RGS22: variants seen among roughly 807,000 people sequenced by gnomAD.
The protein encoded by RGS22 is regulator of G protein signaling 22.
RGS22 carries 148 observed loss-of-function variants against 172.9 expected under a neutral mutation model. That is an observed-to-expected ratio of 0.86 (90% confidence interval 0.75 to 0.98). The LOEUF (loss-of-function observed/expected upper bound fraction) is 0.98, where lower values mean the gene tolerates loss of function less well. Among genes scored for constraint, RGS22 ranks in the 50% least tolerant of loss-of-function variants. The pLI is 0.00. For missense variants in RGS22, 1,347 were observed against 1,440.8 expected (o/e 0.93, Z 1.05); for synonymous variants, 458 against 480.2 (o/e 0.95, Z 0.60).
In RGS22 at chr8:100,079,242, G is replaced by A. The variant is rs186247107; in HGVS notation, c.339+892C>T. Among the ~76,000 whole-genome samples, 44 of 152,276 alleles carry A rather than the reference G, an allele frequency of 2.9e-4. No individual in the cohort carries two copies. The East Asian group carries it at 7.9e-3, about 27-fold the overall frequency. On this transcript the variant is annotated intron_variant, in intron 4 of 27. Coordinates refer to ENST00000360863, the MANE Select transcript of RGS22 (RefSeq NM_015668.5). Reference sequence around the variant, plus strand: ...CAATTATATAGTACTGTGTAGCGCAGAATATATATCCTTGTTCTGGCTTCG... The same window carrying A: ...CAATTATATAGTACTGTGTAGCGCAAAATATATATCCTTGTTCTGGCTTCG...
At chr8:100,101,095 AAACT>A (rs907263688) in intron 2 of RGS22, among the ~76,000 whole-genome samples, 2 of 152,184 alleles carry the variant, frequency 1.3e-5, no homozygotes, top group African/African-American at 2.4e-5. Flanking sequence ...GCATAGTTGC[AAACT>A]AACTACTTTT....
chr8:99,976,058 C>T (rs889184988), intron 23 of RGS22, among the ~76,000 whole-genome samples: 7 of 151,958 alleles, frequency 4.6e-5, no homozygotes, highest in Non-Finnish European at 1.0e-4. Context: ...GGCATGGTGG[C>T]ATGTGCCTGT....
chr8:100,008,637 CAT>C, intron 14 of RGS22, 68 bp from the exon 15 acceptor site: 1 of 1,225,486 alleles, frequency 8.2e-7, no homozygotes, highest in Non-Finnish European at 1.1e-6. Flanking sequence ...GACACCTCAA[CAT>C]AGGCATTTTT....
chr8:99,972,564 A>T (rs1811478658), intron 23 of RGS22, among the ~76,000 whole-genome samples: 1 of 152,336 alleles, frequency 6.6e-6, no homozygotes, highest in African/African-American at 2.4e-5. Context: ...GGGAAAAAAC[A>T]AGCAATCCCA....
At chr8:100,081,192 T>C (rs976195846) in intron 3 of RGS22, among the ~76,000 whole-genome samples, 11 of 152,038 alleles carry the variant, frequency 7.2e-5, no homozygotes, top group Admixed American at 5.9e-4. Flanking sequence ...CTTAGGCGAG[T>C]GGTAGAAGAA....
chr8:100,003,825 A>G, intron 17 of RGS22, 101 bp downstream of exon 17: 1 of 1,018,000 alleles, frequency 9.8e-7, no homozygotes, highest in South Asian at 2.2e-5. Flanking sequence ...TGACATGAGT[A>G]AAATCTGTTA....
At chr8:100,076,855 T>C (rs1811388159) in intron 4 of RGS22, among the ~76,000 whole-genome samples, 1 of 152,124 alleles carries the variant, frequency 6.6e-6, no homozygotes, top group Admixed American at 6.5e-5. Context: ...TATCTGTGCA[T>C]GGTGGCATAT....
intron 24 of RGS22, among the ~76,000 whole-genome samples, chr8:99,963,833 C>G (rs923924289): frequency 1.8e-4 from 27 of 152,234 alleles, no homozygotes; most frequent in Non-Finnish European, 2.8e-4. Flanking sequence ...GGAACCACCC[C>G]ACAGTGGACA....
chr8:100,064,015 G>A lies in RGS22; in HGVS notation c.753C>T (p.His251=), dbSNP rs1191732200. The A allele has an allele frequency of 6.6e-7, 1 of 1,520,922 alleles. No homozygotes were observed. Among genetic ancestry groups the A allele is most frequent in the South Asian group, 1.3e-5 (1 of 74,564 alleles). The allele number at this position is 1,520,922 out of a possible 1,614,324, so 94.2% of individuals were successfully genotyped here. The change falls in exon 8 of 28, where the codon CAC becomes CAT. Residue 251 remains histidine, a synonymous_variant. Coordinates refer to ENST00000360863, the MANE Select transcript of RGS22 (RefSeq NM_015668.5). ...SENFIFDDGV[H]PRTKKDPSKT... ...TAGATGGGTCCTTTTTTGTCCTAGGGTGAACTCCATCATCAAAGATAAAAT... is the reference window on the plus strand; with the variant it reads ...TAGATGGGTCCTTTTTTGTCCTAGGATGAACTCCATCATCAAAGATAAAAT...
At chr8:100,071,089 C>G (rs1486548057) in intron 6 of RGS22, among the ~76,000 whole-genome samples, 1 of 152,030 alleles carries the variant, frequency 6.6e-6, no homozygotes, top group East Asian at 1.9e-4. Flanking sequence ...TCGAGACCAG[C>G]CTGGGCTACA....
chr8:99,976,903 AT>A (rs369280773), intron 23 of RGS22, among the ~76,000 whole-genome samples: 329 of 152,254 alleles, frequency 2.2e-3, no homozygotes, highest in African/African-American at 7.3e-3. Context: ...TTTTACATTT[AT>A]TTTTAAAAAT....
chr8:100,075,924 G>A (rs1031175848), intron 4 of RGS22, among the ~76,000 whole-genome samples: 2 of 151,900 alleles, frequency 1.3e-5, no homozygotes, highest in Non-Finnish European at 2.9e-5. Context: ...CATAGCCATC[G>A]TGTTGGGTGT....
At chr8:100,012,099 TTA>T (rs111749978) in intron 14 of RGS22, among the ~76,000 whole-genome samples, 2 of 150,380 alleles carry the variant, frequency 1.3e-5, no homozygotes, top group East Asian at 1.9e-4. Flanking sequence ...ATAATATATA[TTA>T]TATATATATA....
intron 20 of RGS22, among the ~76,000 whole-genome samples, chr8:99,990,843 C>T (rs527897998): frequency 2.0e-5 from 3 of 152,194 alleles, no homozygotes; most frequent in Admixed American, 1.3e-4. Context: ...AACTGGGAGA[C>T]ACCTCCCAGT....
chr8:99,969,619 C>A (rs943967691), intron 23 of RGS22, among the ~76,000 whole-genome samples: 4 of 151,592 alleles, frequency 2.6e-5, no homozygotes, highest in African/African-American at 7.3e-5. Context: ...CAACAAAGAT[C>A]AAAAAAGACA....
chr8:100,093,656 T>C (rs2132001097), intron 2 of RGS22, 147 bp from the exon 3 acceptor site: 1 of 583,248 alleles, frequency 1.7e-6, no homozygotes, highest in Non-Finnish European at 3.0e-6. Context: ...CACTATAAAC[T>C]GAACACAGTT....
At chr8:99,976,654 C>T (rs1029934640) in intron 23 of RGS22, among the ~76,000 whole-genome samples, 20 of 152,146 alleles carry the variant, frequency 1.3e-4, no homozygotes, top group Admixed American at 9.8e-4. Flanking sequence ...AGCCACTGCG[C>T]CCGACTGAAC....
chr8:99,984,685 G>C (rs1360695008), intron 21 of RGS22, among the ~76,000 whole-genome samples: 1 of 151,686 alleles, frequency 6.6e-6, no homozygotes, highest in Non-Finnish European at 1.5e-5. Flanking sequence ...GCTCTAACAG[G>C]GTAGACTGTT....
chr8:100,099,153 A>G (rs1001343701), intron 2 of RGS22, among the ~76,000 whole-genome samples: 1 of 152,110 alleles, frequency 6.6e-6, no homozygotes, highest in East Asian at 1.9e-4. Context: ...TGACTTCATG[A>G]TCCACCCGCC....
Sources: allele counts gnomAD v4.1 joint callset (sites outside exome capture counted in the v4.1 genomes callset), GRCh38; gene constraint gnomAD v4.1.1; transcripts MANE v1.5; gene names NCBI Gene and HGNC (gene_info 2026-07-23, HGNC 2026-07-21).